ZC3HAV1: variants seen among roughly 807,000 people sequenced by gnomAD.
ZC3HAV1 encodes the protein zinc finger CCCH-type containing, antiviral 1, also known as zinc finger CCCH-type antiviral protein 1.
Under a neutral mutation model 86.6 loss-of-function variants are expected in ZC3HAV1, and 41 were observed. The ratio of observed to expected loss-of-function variants is 0.47; its 90% CI spans 0.37 to 0.61. ZC3HAV1 has a LOEUF of 0.61. ZC3HAV1 is among the 20% of genes least tolerant of loss of function. The probability of loss-of-function intolerance (pLI) is 0.00; values close to 1 mark genes in which losing one functional copy is unlikely to be tolerated. For missense variants in ZC3HAV1, 964 were observed against 1,141.1 expected (o/e 0.84, Z 2.24); for synonymous variants, 421 against 432.1 (o/e 0.97, Z 0.32).
At chr7:139,052,714 G>T (rs894244892) in intron 12 of ZC3HAV1, among the ~76,000 whole-genome samples, 1 of 151,800 alleles carries the variant, frequency 6.6e-6, no homozygotes, top group African/African-American at 2.4e-5. Flanking sequence ...TTTGAGCTCA[G>T]GAGTTGAGAC....
intron 6 of ZC3HAV1, 78 bp from the exon 7 acceptor site, chr7:139,074,108 G>GCA: frequency 7.2e-7 from 1 of 1,391,926 alleles, no homozygotes; most frequent in African/African-American, 1.5e-5. Flanking sequence ...CCTAATGAGA[G>GCA]CACAGAATTA....
In ZC3HAV1 at chr7:139,047,581, G is replaced by GT; in HGVS notation, c.*12dup. ...ATGGTTATGGCATCCTTCTGACGCT[G>GT]TATTCATCGGTTCTAACTAATCACG... On this transcript the variant is annotated 3_prime_UTR_variant, in exon 13 of 13. Coordinates refer to ENST00000242351, the MANE Select transcript of ZC3HAV1 (RefSeq NM_020119.4). The GT allele has an allele frequency of 6.2e-7, 1 of 1,613,890 alleles. No homozygotes were observed. The highest frequency in any genetic ancestry group is 8.5e-7 in the Non-Finnish European group (1 of 1,179,966).
chr7:139,070,931 G>A (rs1474889379), intron 7 of ZC3HAV1, among the ~76,000 whole-genome samples: 1 of 151,530 alleles, frequency 6.6e-6, no homozygotes, highest in East Asian at 2.0e-4. Flanking sequence ...GCAGTGAGCC[G>A]AGATCACAAC....
intron 1 of ZC3HAV1, among the ~76,000 whole-genome samples, chr7:139,105,174 A>G (rs536099694): frequency 6.6e-6 from 1 of 152,268 alleles, no homozygotes; most frequent in South Asian, 2.1e-4. Flanking sequence ...TGACCGTGCC[A>G]CTGCACTTCA....
chr7:139,058,713 C>T (rs945411520), intron 9 of ZC3HAV1, among the ~76,000 whole-genome samples: 2 of 152,000 alleles, frequency 1.3e-5, no homozygotes, highest in African/African-American at 4.8e-5. Flanking sequence ...ATGTGAATGA[C>T]GGGAAGGAGT....
At chr7:139,084,960 T>C (rs1321279966) in intron 2 of ZC3HAV1, among the ~76,000 whole-genome samples, 1 of 152,204 alleles carries the variant, frequency 6.6e-6, no homozygotes. Context: ...TAGCAATGAT[T>C]TTGCCACATG....
intron 7 of ZC3HAV1, among the ~76,000 whole-genome samples, chr7:139,065,884 A>G (rs1816593498): frequency 6.6e-6 from 1 of 152,174 alleles, no homozygotes. Context: ...CTGGCGACAG[A>G]GCAAGACTCT....
intron 1 of ZC3HAV1, among the ~76,000 whole-genome samples, chr7:139,091,277 AT>A (rs1180049050): frequency 1.3e-5 from 2 of 152,172 alleles, no homozygotes; most frequent in African/African-American, 4.8e-5. Flanking sequence ...AGGCGGGCGG[AT>A]CACGAGGTCA....
intron 2 of ZC3HAV1, among the ~76,000 whole-genome samples, chr7:139,088,673 T>G (rs1817345351): frequency 6.6e-6 from 1 of 152,218 alleles, no homozygotes; most frequent in Non-Finnish European, 1.5e-5. Flanking sequence ...TGGCAAATCT[T>G]TTCCATAAAG....
intron 7 of ZC3HAV1, among the ~76,000 whole-genome samples, chr7:139,067,482 C>G (rs1816638614): frequency 1.3e-5 from 2 of 151,984 alleles, no homozygotes; most frequent in African/African-American, 4.8e-5. Context: ...TACCCTTTTA[C>G]AGTATTTTGG....
chr7:139,050,052 T>G (rs1321169910), intron 12 of ZC3HAV1: 1 of 154,104 alleles, frequency 6.5e-6, no homozygotes, highest in Non-Finnish European at 1.5e-5. Flanking sequence ...CTTGCACATT[T>G]TAAAATTGAG....
Position 139,109,341 on chromosome 7 carries a change from G to C in ZC3HAV1, c.-10C>G. 1 of 1,566,078 alleles carries C rather than the reference G, an allele frequency of 6.4e-7. No homozygotes were observed. Among genetic ancestry groups the C allele is most frequent in the Non-Finnish European group, 8.7e-7 (1 of 1,155,996 alleles). ...CCTCCGGGTCCGCCATGGCGCGCTGGCTGTGCTGGCTCTGCCGCGGCGCGG... is the reference window on the plus strand; with the variant it reads ...CCTCCGGGTCCGCCATGGCGCGCTGCCTGTGCTGGCTCTGCCGCGGCGCGG... On this transcript the variant is annotated 5_prime_UTR_variant, in exon 1 of 13. Coordinates refer to ENST00000242351, the MANE Select transcript of ZC3HAV1 (RefSeq NM_020119.4).
At chr7:139,055,143 G>A (rs770534652) in intron 10 of ZC3HAV1, 62 bp downstream of exon 10, 37 of 1,436,078 alleles carry the variant, frequency 2.6e-5, no homozygotes, top group Non-Finnish European at 3.5e-5. Flanking sequence ...ACATACACTT[G>A]TAGCAAAGTA....
intron 1 of ZC3HAV1, among the ~76,000 whole-genome samples, chr7:139,094,370 A>G (rs1350531908): frequency 6.6e-6 from 1 of 152,140 alleles, no homozygotes; most frequent in Non-Finnish European, 1.5e-5. Flanking sequence ...TCGCCAGTAC[A>G]AAAAGAGCTC....
At chr7:139,105,683 C>T (rs1358397223) in intron 1 of ZC3HAV1, among the ~76,000 whole-genome samples, 1 of 152,148 alleles carries the variant, frequency 6.6e-6, no homozygotes, top group Non-Finnish European at 1.5e-5. Context: ...ATACACCCAG[C>T]ACAATGCAAA....
chr7:139,084,137 GAT>G, intron 2 of ZC3HAV1, 105 bp from the exon 3 acceptor site: 1 of 1,457,708 alleles, frequency 6.9e-7, no homozygotes, highest in African/African-American at 1.4e-5. Context: ...AGCAAGCAGA[GAT>G]ATACCAAAGG....
At chr7:139,097,774 C>T (rs533989541) in intron 1 of ZC3HAV1, among the ~76,000 whole-genome samples, 53 of 151,712 alleles carry the variant, frequency 3.5e-4, no homozygotes, top group African/African-American at 1.2e-3. Context: ...ATCTTTTCAG[C>T]CCAGAAAAGT....
In ZC3HAV1 at chr7:139,109,443, G is replaced by T; in HGVS notation, c.-112C>A. ...GGCGCGGGCGGTGCTACTGCTGGGC[G>T]CGCCCGGAGTCAGCGAGGGCGCGCT... On this transcript the variant is annotated 5_prime_UTR_variant, in exon 1 of 13. Transcript: ENST00000242351. The T allele has an allele frequency of 7.4e-7, 1 of 1,347,060 alleles. No individual in the cohort carries two copies. Among genetic ancestry groups the T allele is most frequent in the Non-Finnish European group, 9.8e-7 (1 of 1,023,586 alleles). The allele number at this position is 1,347,060 out of a possible 1,614,324, so 83.4% of individuals were successfully genotyped here.
At chr7:139,071,907 G>C (rs1003504333) in intron 7 of ZC3HAV1, among the ~76,000 whole-genome samples, 2 of 152,212 alleles carry the variant, frequency 1.3e-5, no homozygotes, top group Admixed American at 6.5e-5. Context: ...GTTTGTGGTT[G>C]AGGACCTCAC....
Sources: allele counts gnomAD v4.1 joint callset (sites outside exome capture counted in the v4.1 genomes callset), GRCh38; gene constraint gnomAD v4.1.1; transcripts MANE v1.5; gene names NCBI Gene and HGNC (gene_info 2026-07-23, HGNC 2026-07-21).